The following ZNF785 variants were observed in gnomAD, a reference collection of about 807,000 sequenced individuals.
ZNF785 encodes the protein zinc finger protein 785.
Under a neutral mutation model 11.3 loss-of-function variants are expected in ZNF785, and 15 were observed. The ratio of observed to expected loss-of-function variants is 1.32; its 90% CI spans 0.89 to 2.04. The LOEUF is 2.04. Among genes scored for constraint, ZNF785 ranks in the 30% most tolerant of loss-of-function variants. ZNF785 has a pLI of 0.00. For missense variants in ZNF785, 572 were observed against 560.9 expected (o/e 1.02, Z -0.20); for synonymous variants, 221 against 231.0 (o/e 0.96, Z 0.39).
rs778103344 is a variant in ZNF785 at position 30,585,406 on chromosome 16, C to G, written c.205+1G>C. 6.3e-7 allele frequency: 1 copy of G among 1,584,528 alleles called. No individual in the cohort carries two copies. Among genetic ancestry groups the G allele is most frequent in the East Asian group, 2.3e-5 (1 of 43,418 alleles). On this transcript the variant is annotated splice_donor_variant, in intron 1 of 2. Coordinates refer to ENST00000395216, the MANE Select transcript of ZNF785 (RefSeq NM_152458.7). LOFTEE classifies it high-confidence loss of function. This position sits in a 1 kb window ranked among gnomAD's most constrained non-coding sequence, Gnocchi z 4.0. Reference sequence around the variant, plus strand: ...GTCCCGGCCGGAGGGCCCGGCCTCACCCAGCGCGCCCAGGTGGCCGAAGGT... The same window carrying G: ...GTCCCGGCCGGAGGGCCCGGCCTCAGCCAGCGCGCCCAGGTGGCCGAAGGT...
At position 30,585,118 on chromosome 16, in the gene ZNF785, G is replaced by A. The variant is rs759830091; in HGVS notation, c.334+4C>T. On this transcript the variant is annotated splice_donor_region_variant and intron_variant, in intron 2 of 2. Coordinates refer to ENST00000395216, the MANE Select transcript of ZNF785 (RefSeq NM_152458.7). The surrounding 1 kb of genome is among the most constrained non-coding windows in gnomAD (Gnocchi z 4.0). Reference sequence around the variant, plus strand: ...CTCCACGGCTACTTATCCAAATGAAGTACCTGCTTCCTGTCCTTGGCCCCT... The same window carrying A: ...CTCCACGGCTACTTATCCAAATGAAATACCTGCTTCCTGTCCTTGGCCCCT... The A allele has an allele frequency of 6.2e-7, 1 of 1,604,846 alleles. No individual in the cohort carries two copies. The highest frequency in any genetic ancestry group is 1.1e-5 in the South Asian group (1 of 90,680).
Position 30,585,528 on chromosome 16 carries a change from G to A in ZNF785, c.84C>T (p.Ala28=). 4 of 1,585,478 alleles carry A rather than the reference G, an allele frequency of 2.5e-6. No individual in the cohort carries two copies. Among genetic ancestry groups the A allele is most frequent in the Non-Finnish European group, 1.7e-6 (2 of 1,167,366 alleles). The change falls in exon 1 of 3, where the codon GCC becomes GCT. Residue 28 remains alanine (A), a synonymous_variant. Transcript: ENST00000395216. This position sits in a 1 kb window ranked among gnomAD's most constrained non-coding sequence, Gnocchi z 4.0. ...ACACGGCCACGTCCGCGAAGCTCAC[G>A]GCGCCCGGCCTGCTTTCCCTCGTCC... ...PRRTRESRPG[A]VSFADVAVYF... is the part of the protein sequence containing the mutation.
In ZNF785 at chr16:30,582,977, G is replaced by C. The variant is rs750261608; in HGVS notation, c.801C>G (p.Tyr267Ter). 1.9e-6 allele frequency: 3 copies of C among 1,613,992 alleles called. No homozygotes were observed. The highest frequency in any genetic ancestry group is 1.7e-6 in the Non-Finnish European group (2 of 1,179,960). Residue 267 changes from tyrosine (Y) to a stop codon, truncating the protein, a stop_gained, in exon 3 of 3, where the codon TAC (tyrosine) becomes TAG (stop). Transcript: ENST00000395216. LOFTEE classifies it low-confidence loss of function (END_TRUNC). ...GCTGGTGGATGGCCAGCAGGTAGGG[G>C]TAAGTGAAGCGACTCTTGCAGTCTG... ...ACSDCKSRFTYPYLLAIHQRK... is the reference protein window; with the variant it reads ...ACSDCKSRFT
At position 30,585,341 on chromosome 16, in the gene ZNF785, C is replaced by T; in HGVS notation, c.205+66G>A. The stretch of plus-strand genomic sequence containing the variant: ...CGCCCCGCTTCCAGCCCACTAGCCT[C>T]TGGGGACACCGATCACCGCTTCCCA... On this transcript the variant is annotated intron_variant, in intron 1 of 2. Transcript: ENST00000395216. This position sits in a 1 kb window ranked among gnomAD's most constrained non-coding sequence, Gnocchi z 4.0. 1 of 1,576,920 alleles carries T rather than the reference C, an allele frequency of 6.3e-7. No homozygotes were observed. Among genetic ancestry groups the T allele is most frequent in the Non-Finnish European group, 8.6e-7 (1 of 1,164,010 alleles).
In ZNF785 at chr16:30,583,158, G is replaced by C; in HGVS notation, c.620C>G (p.Ala207Gly). 1 of 1,613,716 alleles carries C rather than the reference G, an allele frequency of 6.2e-7. No individual in the cohort carries two copies. Among genetic ancestry groups the C allele is most frequent in the South Asian group, 1.1e-5 (1 of 91,068 alleles). Residue 207 changes from alanine (A) to glycine (G), a missense_variant, in exon 3 of 3, where the codon GCG becomes GGG. By Grantham distance (60) the Ala-to-Gly change is moderately conservative. Transcript: ENST00000395216. ...CAGGTACCTGCGCTGGGAGAAACGC[G>C]CCTGACACTGGCCGCAGGAGAAGGG... ...ERPFSCGQCQ[A>G]RFSQRRYLLQ...
At chr16:30,578,651 G>T (rs1011183672), downstream of ZNF785, 1 of 151,586 alleles carries the variant, frequency 6.6e-6, no homozygotes. Context: ...AGCCTCCCGA[G>T]TAGCTGTGAT....
Position 30,585,345 on chromosome 16 carries a change from G to A in ZNF785, c.205+62C>T, listed in dbSNP as rs1448957954. On this transcript the variant is annotated intron_variant, in intron 1 of 2. Coordinates refer to ENST00000395216, the MANE Select transcript of ZNF785 (RefSeq NM_152458.7). This position sits in a 1 kb window ranked among gnomAD's most constrained non-coding sequence, Gnocchi z 4.0. ...CCGCTTCCAGCCCACTAGCCTCTGGGGACACCGATCACCGCTTCCCACCGA... is the reference window on the plus strand; with the variant it reads ...CCGCTTCCAGCCCACTAGCCTCTGGAGACACCGATCACCGCTTCCCACCGA... 2.5e-6 allele frequency: 4 copies of A among 1,575,756 alleles called. No individual in the cohort carries two copies. The highest frequency in any genetic ancestry group is 1.7e-6 in the Non-Finnish European group (2 of 1,163,442).
At position 30,582,986 on chromosome 16, in the gene ZNF785, G is replaced by A. The variant is rs2051838673; in HGVS notation, c.792C>T (p.Arg264=). ...KPYACSDCKS[R]FTYPYLLAIH... ...TGGCCAGCAGGTAGGGGTAAGTGAA[G>A]CGACTCTTGCAGTCTGAGCACGCGT... Residue 264 remains arginine, a synonymous_variant, in exon 3 of 3, where the codon CGC becomes CGT. Transcript: ENST00000395216. The A allele has an allele frequency of 6.2e-7, 1 of 1,613,974 alleles. No individual in the cohort carries two copies. Among genetic ancestry groups the A allele is most frequent in the South Asian group, 1.1e-5 (1 of 91,088 alleles).
chr16:30,580,963 T>C lies in ZNF785; in HGVS notation c.*1597A>G, dbSNP rs1179820273. Reference sequence around the variant, plus strand: ...CGGGTGGATCACCTGAGGTCAGGAATTGGAGACCAGCCTGGCCAACATGGT... The same window carrying C: ...CGGGTGGATCACCTGAGGTCAGGAACTGGAGACCAGCCTGGCCAACATGGT... On this transcript the variant is annotated 3_prime_UTR_variant, in exon 3 of 3. Transcript: ENST00000395216. 6.6e-6 allele frequency: 1 copy of C among 151,384 alleles called. No individual in the cohort carries two copies. Among genetic ancestry groups the C allele is most frequent in the Non-Finnish European group, 1.5e-5 (1 of 67,874 alleles). The allele number at this position is 151,384 out of a possible 1,614,324, so 9.4% of individuals were successfully genotyped here.
At chr16:30,579,895 T>C (rs753088172), downstream of ZNF785, 43 of 453,672 alleles carry the variant, frequency 9.5e-5, no homozygotes, top group Admixed American at 4.5e-4. Flanking sequence ...TTTGTTTTGT[T>C]TTGTTTTTTG....
chr16:30,585,156 A>C lies in ZNF785; in HGVS notation c.300T>G (p.Ser100=). 6.2e-7 allele frequency: 1 copy of C among 1,614,076 alleles called. No homozygotes were observed. The highest frequency in any genetic ancestry group is 8.5e-7 in the Non-Finnish European group (1 of 1,179,936). The change falls in exon 2 of 3, where the codon TCT becomes TCG. Residue 100 remains serine (S), a synonymous_variant. Transcript: ENST00000395216. This position sits in a 1 kb window ranked among gnomAD's most constrained non-coding sequence, Gnocchi z 4.0. The part of the protein sequence containing the change: ...PEAQDPDGES[S]AAFSRGQGQE... ...GTCCTTGGCCCCTGCTGAAAGCTGC[A>C]GAGCTCTCACCGTCGGGATCCTGGG...
In ZNF785 at chr16:30,582,767, G is replaced by T. The variant is rs201574418; in HGVS notation, c.1011C>A (p.Ser337Arg). 1 of 1,605,934 alleles carries T rather than the reference G, an allele frequency of 6.2e-7. No individual in the cohort carries two copies. Among genetic ancestry groups the T allele is most frequent in the Non-Finnish European group, 8.5e-7 (1 of 1,174,604 alleles). ...LLSHRRIHSD[S>R]RPFPCVECGK... ...CACACTCCACGCAGGGGAAGGGCCG[G>T]CTGTCGGAGTGAATGCGCCGGTGAC... Residue 337 changes from serine to arginine, a missense_variant, in exon 3 of 3, where the codon AGC (serine) becomes AGA (arginine). By Grantham distance (110) the Ser-to-Arg change is moderately radical (BLOSUM62 -1). Coordinates refer to ENST00000395216, the MANE Select transcript of ZNF785 (RefSeq NM_152458.7).
chr16:30,584,421 GCAGGTGGAT>G (rs1350564966), intron 2 of ZNF785, among the ~76,000 whole-genome samples: 1 of 152,170 alleles, frequency 6.6e-6, no homozygotes, highest in Admixed American at 6.5e-5. Context: ...GGAGGCAGAG[GCAGGTGGAT>G]CACGAGATCA....
chr16:30,585,386 G>A lies in ZNF785; in HGVS notation c.205+21C>T. 6.3e-7 allele frequency: 1 copy of A among 1,575,332 alleles called. No individual in the cohort carries two copies. Among genetic ancestry groups the A allele is most frequent in the Non-Finnish European group, 8.6e-7 (1 of 1,162,420 alleles). On this transcript the variant is annotated intron_variant, in intron 1 of 2. Coordinates refer to ENST00000395216, the MANE Select transcript of ZNF785 (RefSeq NM_152458.7). The surrounding 1 kb of genome is among the most constrained non-coding windows in gnomAD (Gnocchi z 4.0). ...TTCCCACCGACGGACTGGGGGTCCC[G>A]GCCGGAGGGCCCGGCCTCACCCAGC...
Position 30,585,676 on chromosome 16 carries a change from G to C in ZNF785, c.-65C>G, listed in dbSNP as rs2051887038. 1 of 1,443,628 alleles carries C rather than the reference G, an allele frequency of 6.9e-7. No individual in the cohort carries two copies. The highest frequency in any genetic ancestry group is 2.9e-5 in the Admixed American group (1 of 35,024). 89.4% of individuals were successfully genotyped at this position (1,443,628 alleles called of 1,614,324 possible). On this transcript the variant is annotated 5_prime_UTR_variant, in exon 1 of 3. Transcript: ENST00000395216. This position sits in a 1 kb window ranked among gnomAD's most constrained non-coding sequence, Gnocchi z 4.0. ...AAGGTGGAGATGCTGGCGCTTTCCT[G>C]TCTTTCCTCAGACAAGTCCGTAAGG...
In ZNF785 at chr16:30,582,927, T is replaced by C. The variant is rs146393937; in HGVS notation, c.851A>G (p.Tyr284Cys). 2 of 1,613,760 alleles carry C rather than the reference T, an allele frequency of 1.2e-6. No individual in the cohort carries two copies. Among genetic ancestry groups the C allele is most frequent in the South Asian group, 1.1e-5 (1 of 91,074 alleles). The change falls in exon 3 of 3, where the codon TAC (tyrosine) becomes TGC (cysteine). Residue 284 changes from tyrosine to cysteine, a missense_variant. Transcript: ENST00000395216. ...HQRKHTGEKP[Y>C]SCPDCSLRFA... ...ACGGAGGCTGCAATCGGGGCAGCTG[T>C]AGGGCTTCTCGCCCGTGTGCTTGCG...
In ZNF785 at chr16:30,585,495, A is replaced by G; in HGVS notation, c.117T>C (p.Ser39=). Residue 39 remains serine (S), a synonymous_variant, in exon 1 of 3, where the codon TCT becomes TCC. Coordinates refer to ENST00000395216, the MANE Select transcript of ZNF785 (RefSeq NM_152458.7). This position sits in a 1 kb window ranked among gnomAD's most constrained non-coding sequence, Gnocchi z 4.0. ...GCCGCAGGCATTCCCACTCCTCGGG[A>G]GAGAAGTACACGGCCACGTCCGCGA... ...VSFADVAVYF[S]PEEWECLRPA... 1 of 1,601,510 alleles carries G rather than the reference A, an allele frequency of 6.2e-7. No homozygotes were observed. The highest frequency in any genetic ancestry group is 8.5e-7 in the Non-Finnish European group (1 of 1,174,766).
chr16:30,583,175 G>C lies in ZNF785; in HGVS notation c.603C>G (p.Ser201=), dbSNP rs116446996. 1.2e-3 allele frequency: 1,940 copies of C among 1,614,038 alleles called. 20 individuals carry two copies. In the African/African-American group the frequency reaches 0.022, roughly 18 times the overall value. The change falls in exon 3 of 3, where the codon TCC becomes TCG. Residue 201 remains serine, a synonymous_variant. Coordinates refer to ENST00000395216, the MANE Select transcript of ZNF785 (RefSeq NM_152458.7). The stretch of plus-strand genomic sequence containing the variant: ...AGAAACGCGCCTGACACTGGCCGCA[G>C]GAGAAGGGCCGCTCCCCGGAGTGGA... ...QRVHSGERPF[S]CGQCQARFSQ... is the part of the protein sequence containing the mutation.
At position 30,582,857 on chromosome 16, in the gene ZNF785, G is replaced by C. The variant is rs1356755412; in HGVS notation, c.921C>G (p.Thr307=). 1.2e-6 allele frequency: 2 copies of C among 1,612,274 alleles called. No homozygotes were observed. The highest frequency in any genetic ancestry group is 1.7e-6 in the Non-Finnish European group (2 of 1,179,100). ...SLLAIHRRIH[T]GEKPYPCPDC... ...CAGGACAGGGGTAGGGCTTCTCGCC[G>C]GTGTGTATGCGCCTGTGGATGGCCA... The change falls in exon 3 of 3, where the codon ACC becomes ACG. Residue 307 remains threonine (T), a synonymous_variant. Coordinates refer to ENST00000395216, the MANE Select transcript of ZNF785 (RefSeq NM_152458.7).
Sources: gnomAD v4.1 joint callset for allele counts (sites outside exome capture counted in the v4.1 genomes callset) on GRCh38, gnomAD v4.1.1 for gene constraint, Gnocchi (gnomAD v3.1) non-coding constraint, MANE v1.5 for transcripts, NCBI Gene and HGNC (gene_info 2026-07-23, HGNC 2026-07-21) for gene names.